The following PTPRD variants were observed in gnomAD, a reference collection of about 807,000 sequenced individuals.
PTPRD encodes receptor-type tyrosine-protein phosphatase delta.
Under a neutral mutation model 214.5 loss-of-function variants are expected in PTPRD, and 34 were observed. The observed-to-expected ratio is 0.16, with a 90% CI of 0.12 to 0.21. The LOEUF (loss-of-function observed/expected upper bound fraction) is 0.21, where lower values mean the gene tolerates loss of function less well. PTPRD is among the 10% of genes least tolerant of loss of function. PTPRD has a pLI of 1.00. For synonymous variants in PTPRD, 1,128 were observed against 845.7 expected, an observed-to-expected ratio of 1.33 and a Z score of -5.79; for missense variants, 2,545 against 2,398.7, an observed-to-expected ratio of 1.06 and a Z score of -1.27.
At chr9:10,499,596 G>A (rs901514998) in intron 2 of PTPRD, among the ~76,000 whole-genome samples, 4 of 151,808 alleles carry the variant, frequency 2.6e-5, no homozygotes, top group Admixed American at 2.6e-4. Context: ...TGGCTGCTCT[G>A]CAATTTCTAA....
At chr9:9,363,569 G>T (rs2056942060) in intron 9 of PTPRD, among the ~76,000 whole-genome samples, 1 of 151,322 alleles carries the variant, frequency 6.6e-6, no homozygotes, top group Non-Finnish European at 1.5e-5. Context: ...TTGGCTCTCT[G>T]TTCAAACAAA....
chr9:8,939,662 G>T (rs1008891780), intron 11 of PTPRD, among the ~76,000 whole-genome samples: 11 of 152,066 alleles, frequency 7.2e-5, no homozygotes, highest in East Asian at 1.9e-4. Context: ...ATCTGAAAAA[G>T]AATATCTTTA....
At chr9:8,762,768 G>C (rs1022804724) in intron 11 of PTPRD, among the ~76,000 whole-genome samples, 28 of 152,250 alleles carry the variant, frequency 1.8e-4, no homozygotes, top group African/African-American at 5.3e-4. Flanking sequence ...CTCTCTTTAT[G>C]GCAGGGAGAA....
intron 19 of PTPRD, among the ~76,000 whole-genome samples, chr9:8,521,756 A>T (rs2097895381): frequency 6.6e-6 from 1 of 152,204 alleles, no homozygotes; most frequent in Non-Finnish European, 1.5e-5. Flanking sequence ...TTAGTCATTG[A>T]TATCTTAGAC....
At chr9:8,646,159 A>C (rs962690475) in intron 12 of PTPRD, among the ~76,000 whole-genome samples, 24 of 152,134 alleles carry the variant, frequency 1.6e-4, no homozygotes, top group Admixed American at 6.5e-5. Flanking sequence ...ATTTACAGAA[A>C]ATTCCAACAT....
Position 8,875,120 on chromosome 9 carries a change from G to T in PTPRD, c.-103-141174C>A, listed in dbSNP as rs185038111. Among the ~76,000 whole-genome samples the T allele has an allele frequency of 1.5e-4, 23 of 152,254 alleles. No homozygotes were observed. The East Asian group carries it at 4.4e-3, about 29-fold the overall frequency. On this transcript the variant is annotated intron_variant, in intron 11 of 45. Transcript: ENST00000381196. ...ACTAATCCCCCTTTAAAGTTTTGGGGATGATTAAATGAAAGAGTAGACTGA... is the reference window on the plus strand; with the variant it reads ...ACTAATCCCCCTTTAAAGTTTTGGGTATGATTAAATGAAAGAGTAGACTGA...
In PTPRD at chr9:8,823,660, GAAGGGA is replaced by G. The variant is rs1566374939; in HGVS notation, c.-103-89720_-103-89715del. Among the ~76,000 whole-genome samples the G allele has an allele frequency of 3.0e-4, 39 of 130,032 alleles. 1 individual carries two copies. Among genetic ancestry groups the G allele is most frequent in the African/African-American group, 1.2e-3 (37 of 31,506 alleles). The allele number at this position is 130,032 out of a possible 152,430, so 85.3% of individuals were successfully genotyped here. A position where few individuals can be genotyped will look rare whatever the true frequency, so the allele number is the denominator to read the frequency against. On this transcript the variant is annotated intron_variant, in intron 11 of 45. Transcript: ENST00000381196. ...GAGTGAGACCCTGTTTCAAAAAAGG[GAAGGGA>G]AAGGGAAAAGGAAAGGGAAAGGAAA...
intron 3 of PTPRD, among the ~76,000 whole-genome samples, chr9:10,224,431 C>T (rs1248163075): frequency 6.6e-6 from 1 of 151,902 alleles, no homozygotes; most frequent in South Asian, 2.1e-4. Context: ...CATATGCATA[C>T]ATGTGCCATC....
intron 9 of PTPRD, among the ~76,000 whole-genome samples, chr9:9,360,770 T>A (rs1454543954): frequency 6.6e-6 from 1 of 151,124 alleles, no homozygotes; most frequent in Non-Finnish European, 1.5e-5. Context: ...AGCTTTACAG[T>A]TTTTAATAAT....
intron 9 of PTPRD, among the ~76,000 whole-genome samples, chr9:9,254,658 C>T (rs17668258): frequency 0.035 from 5,303 of 152,124 alleles, 124 homozygotes; most frequent in Non-Finnish European, 0.055. Context: ...TCATGATTAA[C>T]ATCTGGAAGC....
intron 9 of PTPRD, among the ~76,000 whole-genome samples, chr9:9,265,616 G>T (rs1156598757): frequency 1.3e-5 from 2 of 151,348 alleles, no homozygotes; most frequent in Non-Finnish European, 3.0e-5. Context: ...TAGAATTTTT[G>T]AATGCAAGTA....
chr9:10,589,510 A>C (rs954764632), intron 2 of PTPRD, among the ~76,000 whole-genome samples: 1 of 152,114 alleles, frequency 6.6e-6, no homozygotes, highest in Non-Finnish European at 1.5e-5. Flanking sequence ...TTAGAGCATA[A>C]GTAGCCACCC....
At chr9:8,692,266 T>C (rs1453087410) in intron 12 of PTPRD, among the ~76,000 whole-genome samples, 1 of 152,220 alleles carries the variant, frequency 6.6e-6, no homozygotes, top group Non-Finnish European at 1.5e-5. Context: ...TAACATTAAT[T>C]GTTTCATTCA....
At chr9:8,329,935 C>T (rs1294309911) in intron 44 of PTPRD, among the ~76,000 whole-genome samples, 1 of 55,562 alleles carries the variant, frequency 1.8e-5, no homozygotes, top group Non-Finnish European at 2.7e-5. Flanking sequence ...GCCAGTGGAT[C>T]GTATCTTGCT....
rs151260519 is a variant in PTPRD, at chr9:10,367,245, T to A, written c.-599-26228A>T. Among the ~76,000 whole-genome samples, 54 of 152,266 alleles carry A rather than the reference T, an allele frequency of 3.5e-4. 1 individual carries two copies. The highest frequency in any genetic ancestry group is 1.1e-3 in the African/African-American group (45 of 41,568). On this transcript the variant is annotated intron_variant, in intron 2 of 45. Transcript: ENST00000381196. ...GAGAGAAATTAAGGAGAAAATTCAA[T>A]TGTGCCAAAGCCTTCCACTGTCTTT... is the stretch of plus-strand genomic sequence containing the variant.
chr9:10,408,780 G>C (rs1277332408), intron 2 of PTPRD, among the ~76,000 whole-genome samples: 1 of 151,580 alleles, frequency 6.6e-6, no homozygotes, highest in Non-Finnish European at 1.5e-5. Context: ...AGACTCAGTT[G>C]ACCTTTCCAA....
Position 8,314,457 on chromosome 9 carries a change from A to G in PTPRD, c.*3417T>C. 1 of 231,284 alleles carries G rather than the reference A, an allele frequency of 4.3e-6. No homozygotes were observed. Among genetic ancestry groups the G allele is most frequent in the South Asian group, 1.8e-4 (1 of 5,516 alleles). 14.3% of individuals were successfully genotyped at this position (231,284 alleles called of 1,614,324 possible). ...AGCCATTTTACAAGTTATTTGTTTT[A>G]ATTTTTCAGTCTATGCATCCAAAAC... On this transcript the variant is annotated 3_prime_UTR_variant, in exon 46 of 46. Coordinates refer to ENST00000381196, the MANE Select transcript of PTPRD (RefSeq NM_002839.4).
chr9:10,461,111 A>T (rs569275933), intron 2 of PTPRD, among the ~76,000 whole-genome samples: 1 of 152,184 alleles, frequency 6.6e-6, no homozygotes, highest in South Asian at 2.1e-4. Context: ...TCCAAAGATG[A>T]CATAAAAATG....
chr9:9,876,300 A>C (rs1318679527), intron 5 of PTPRD, among the ~76,000 whole-genome samples: 1 of 152,154 alleles, frequency 6.6e-6, no homozygotes, highest in South Asian at 2.1e-4. Context: ...AATCCTACTA[A>C]ATGAAACAAT....
Sources: allele counts gnomAD v4.1 joint callset (sites outside exome capture counted in the v4.1 genomes callset), GRCh38; gene constraint gnomAD v4.1.1; transcripts MANE v1.5; gene names NCBI Gene and HGNC (gene_info 2026-07-23, HGNC 2026-07-21).